The following ITGAV variants were observed in gnomAD, a reference collection of about 807,000 sequenced individuals.
ITGAV encodes the protein integrin subunit alpha V.
In ITGAV, 76 loss-of-function variants were observed where a neutral mutation model predicts 143.8. The observed-to-expected ratio is 0.53, with a 90% CI of 0.44 to 0.64. The LOEUF (loss-of-function observed/expected upper bound fraction) is 0.64. Ranked by LOEUF, ITGAV falls within the 30% of genes least tolerant of loss-of-function variation. The pLI is 0.00. For missense variants in ITGAV, 1,193 were observed against 1,274.7 expected (o/e 0.94, Z 0.98); for synonymous variants, 453 against 446.7 (o/e 1.01, Z -0.18).
chr2:186,614,243 C>G (rs1043849170), intron 2 of ITGAV, among the ~76,000 whole-genome samples: 3 of 151,862 alleles, frequency 2.0e-5, no homozygotes, highest in Non-Finnish European at 2.9e-5. Flanking sequence ...CTCAGGAAAC[C>G]AAGGGCCATA....
chr2:186,626,710 C>T (rs1687686486), intron 4 of ITGAV, among the ~76,000 whole-genome samples: 1 of 152,040 alleles, frequency 6.6e-6, no homozygotes, highest in Admixed American at 6.5e-5. Context: ...GGGAAGTGAA[C>T]ATTAAAAGAG....
At chr2:186,643,419 T>C (rs761398814) in intron 12 of ITGAV, among the ~76,000 whole-genome samples, 3 of 152,210 alleles carry the variant, frequency 2.0e-5, no homozygotes, top group Non-Finnish European at 4.4e-5. Flanking sequence ...ATAATGTCTT[T>C]AGTGAAAAAT....
Position 186,677,189 on chromosome 2 carries a change from A to G in ITGAV, c.3052-8A>G. On this transcript the variant is annotated splice_region_variant and splice_polypyrimidine_tract_variant and intron_variant, in intron 29 of 29. Transcript: ENST00000261023. The stretch of plus-strand genomic sequence containing the variant: ...TGACAGTAATAATGGTTTTTCTTCA[A>G]CTGACAGATGGGCTTTTTTAAACGG... The G allele has an allele frequency of 6.2e-7, 1 of 1,612,632 alleles. No individual in the cohort carries two copies. The highest frequency in any genetic ancestry group is 8.5e-7 in the Non-Finnish European group (1 of 1,178,880).
intron 2 of ITGAV, among the ~76,000 whole-genome samples, chr2:186,620,633 T>C (rs144417179): frequency 4.9e-4 from 74 of 152,252 alleles, no homozygotes; most frequent in African/African-American, 1.7e-3. Context: ...CATGGTGGCA[T>C]GCATCTGTAG....
chr2:186,669,058 A>C, intron 25 of ITGAV, 138 bp downstream of exon 25: 1 of 664,846 alleles, frequency 1.5e-6, no homozygotes, highest in Middle Eastern at 4.3e-4. Flanking sequence ...GTTCATAAGC[A>C]GTACACTTAG....
At chr2:186,629,457 A>C (rs1687761158) in intron 4 of ITGAV, among the ~76,000 whole-genome samples, 1 of 151,978 alleles carries the variant, frequency 6.6e-6, no homozygotes, top group Admixed American at 6.6e-5. Flanking sequence ...TTAGAGCAGA[A>C]TTCCTTAGTC....
intron 12 of ITGAV, among the ~76,000 whole-genome samples, chr2:186,643,179 A>G (rs1357574783): frequency 6.6e-6 from 1 of 152,156 alleles, no homozygotes; most frequent in Non-Finnish European, 1.5e-5. Context: ...CTTTAAAGAA[A>G]GTTTTCTCAT....
chr2:186,610,991 A>G (rs1168836111), intron 2 of ITGAV, among the ~76,000 whole-genome samples: 1 of 152,098 alleles, frequency 6.6e-6, no homozygotes, highest in Non-Finnish European at 1.5e-5. Flanking sequence ...TTAGTTCTGG[A>G]GGTCAGATGT....
intron 18 of ITGAV, among the ~76,000 whole-genome samples, chr2:186,661,682 C>T (rs1316973492): frequency 1.3e-5 from 2 of 151,398 alleles, no homozygotes; most frequent in Admixed American, 6.6e-5. Flanking sequence ...CTGCAACCTC[C>T]GCCTCCTGTG....
chr2:186,654,208 C>G (rs1162191309), intron 15 of ITGAV, among the ~76,000 whole-genome samples: 1 of 151,960 alleles, frequency 6.6e-6, no homozygotes, highest in African/African-American at 2.4e-5. Flanking sequence ...TGGTGCATGC[C>G]TGTAATCCCA....
intron 4 of ITGAV, among the ~76,000 whole-genome samples, chr2:186,630,298 C>G (rs933294383): frequency 6.6e-6 from 1 of 151,336 alleles, no homozygotes; most frequent in Non-Finnish European, 1.5e-5. Flanking sequence ...TTTTAACTTG[C>G]AGATCACAAC....
In ITGAV at chr2:186,677,728, G is replaced by A. The variant is rs1437697560; in HGVS notation, c.*436G>A. On this transcript the variant is annotated 3_prime_UTR_variant, in exon 30 of 30. Coordinates refer to ENST00000261023, the MANE Select transcript of ITGAV (RefSeq NM_002210.5). ...CATGTCTTTTGTATAGGTACTTAAT[G>A]TTAATACATATTACACTACAGTTTA... is the stretch of plus-strand genomic sequence containing the variant. 6.2e-6 allele frequency: 1 copy of A among 161,272 alleles called. No individual in the cohort carries two copies. The highest frequency in any genetic ancestry group is 6.0e-5 in the Admixed American group (1 of 16,704). 10.0% of individuals were successfully genotyped at this position (161,272 alleles called of 1,614,324 possible). A position where few individuals can be genotyped will look rare whatever the true frequency, so the allele number is the denominator to read the frequency against.
intron 21 of ITGAV, among the ~76,000 whole-genome samples, chr2:186,665,574 A>G (rs1688874210): frequency 6.6e-6 from 1 of 152,202 alleles, no homozygotes; most frequent in Non-Finnish European, 1.5e-5. Flanking sequence ...TGTCAATCCT[A>G]GGTGAGCTAG....
intron 13 of ITGAV, among the ~76,000 whole-genome samples, 178 bp downstream of exon 13, chr2:186,647,055 C>G (rs1477069918): frequency 6.6e-6 from 1 of 152,228 alleles, no homozygotes; most frequent in Non-Finnish European, 1.5e-5. Flanking sequence ...GAAGAAAAGT[C>G]AGCTCTCTTT....
At chr2:186,676,197 C>A (rs1056332380) in intron 28 of ITGAV, 1 of 272,046 alleles carries the variant, frequency 3.7e-6, no homozygotes, top group Non-Finnish European at 6.8e-6. Flanking sequence ...TAGGAATTTT[C>A]GTTTACAAAG....
At chr2:186,629,858 A>G (rs1249798866) in intron 4 of ITGAV, among the ~76,000 whole-genome samples, 1 of 152,054 alleles carries the variant, frequency 6.6e-6, no homozygotes, top group Non-Finnish European at 1.5e-5. Flanking sequence ...AAATAAGGGG[A>G]AAGTGTTCAG....
At chr2:186,620,157 A>G (rs1687482218) in intron 2 of ITGAV, among the ~76,000 whole-genome samples, 1 of 151,998 alleles carries the variant, frequency 6.6e-6, no homozygotes, top group African/African-American at 2.4e-5. Context: ...ACATTTCCTC[A>G]CTTGTACTGT....
chr2:186,611,514 A>G (rs1687216470), intron 2 of ITGAV, among the ~76,000 whole-genome samples: 1 of 152,168 alleles, frequency 6.6e-6, no homozygotes, highest in Admixed American at 6.5e-5. Flanking sequence ...GGTGTAAGCC[A>G]CAATTGATAT....
intron 15 of ITGAV, among the ~76,000 whole-genome samples, chr2:186,652,353 C>T (rs1417691664): frequency 6.6e-6 from 1 of 152,090 alleles, no homozygotes; most frequent in African/African-American, 2.4e-5. Context: ...CCATACCCAG[C>T]TAATTTTTTA....
Sources: gnomAD v4.1 joint callset for allele counts (sites outside exome capture counted in the v4.1 genomes callset) on GRCh38, gnomAD v4.1.1 for gene constraint, MANE v1.5 for transcripts, NCBI Gene and HGNC (gene_info 2026-07-23, HGNC 2026-07-21) for gene names.